The following PKIB variants were observed in gnomAD, a reference collection of about 807,000 sequenced individuals.
PKIB encodes the protein cAMP-dependent protein kinase inhibitor beta.
Under a neutral mutation model 4.5 loss-of-function variants are expected in PKIB, and 2 were observed. The observed-to-expected ratio is 0.44, with a 90% CI of 0.18 to 1.39. The LOEUF is 1.39. PKIB is among the 40% of genes most tolerant of loss of function. The pLI is 0.27. For synonymous variants in PKIB, 38 were observed against 36.0 expected (o/e 1.06, Z -0.20); for missense variants, 94 against 92.6 (o/e 1.02, Z -0.06).
intron 3 of PKIB, among the ~76,000 whole-genome samples, chr6:122,694,151 G>T (rs369600846): frequency 6.6e-6 from 1 of 152,124 alleles, no homozygotes; most frequent in African/African-American, 2.4e-5. Flanking sequence ...TCACCCCCAA[G>T]AGTATTACTG....
At chr6:122,532,435 G>A (rs541129639) in intron 2 of PKIB, among the ~76,000 whole-genome samples, 62 of 152,138 alleles carry the variant, frequency 4.1e-4, no homozygotes, top group African/African-American at 1.4e-3. Context: ...CAAGTCATTA[G>A]CATTAGGTGC....
intron 2 of PKIB, among the ~76,000 whole-genome samples, chr6:122,556,355 G>A (rs139367296): frequency 1.3e-5 from 2 of 152,258 alleles, no homozygotes; most frequent in African/African-American, 2.4e-5. Flanking sequence ...GCATGAGAAC[G>A]ACTAATACAC....
intron 3 of PKIB, among the ~76,000 whole-genome samples, chr6:122,703,060 T>C (rs1267798799): frequency 6.6e-6 from 1 of 152,182 alleles, no homozygotes; most frequent in African/African-American, 2.4e-5. Flanking sequence ...TACAGAAAGA[T>C]TCAATTGACT....
intron 3 of PKIB, among the ~76,000 whole-genome samples, chr6:122,693,365 T>A (rs7767580): frequency 6.6e-6 from 1 of 152,108 alleles, no homozygotes; most frequent in Non-Finnish European, 1.5e-5. Flanking sequence ...ATTTGCAAAT[T>A]ATGACAAGCT....
At chr6:122,594,843 C>T (rs1774126334) in intron 3 of PKIB, among the ~76,000 whole-genome samples, 1 of 152,136 alleles carries the variant, frequency 6.6e-6, no homozygotes. Context: ...CTCCTGTATT[C>T]CATGCGTACA....
In PKIB at chr6:122,484,428, G is replaced by C. The variant is rs559733490; in HGVS notation, c.-248+6489G>C. Among the ~76,000 whole-genome samples, 3 of 152,160 alleles carry C rather than the reference G, an allele frequency of 2.0e-5. No individual in the cohort carries two copies. The South Asian group carries it at 6.2e-4, about 32-fold the overall frequency. On this transcript the variant is annotated intron_variant, in intron 2 of 6. Transcript: ENST00000392491. ...CTGAGAATCATTTTCGTCAACTCTT[G>C]GAACAAGGACAATTGCAAGGAATAA...
intron 3 of PKIB, among the ~76,000 whole-genome samples, chr6:122,690,616 C>T (rs1188634841): frequency 6.6e-6 from 1 of 151,978 alleles, no homozygotes; most frequent in Non-Finnish European, 1.5e-5. Context: ...CTGTCTATGT[C>T]TTGAAAGGTT....
chr6:122,497,852 CCAA>C (rs1309473842), intron 2 of PKIB, among the ~76,000 whole-genome samples: 6 of 152,154 alleles, frequency 3.9e-5, no homozygotes, highest in Admixed American at 3.9e-4. Flanking sequence ...CAACACTTGA[CCAA>C]CTGGACACAA....
At chr6:122,518,290 C>G (rs1201536582) in intron 2 of PKIB, among the ~76,000 whole-genome samples, 2 of 152,064 alleles carry the variant, frequency 1.3e-5, no homozygotes, top group Non-Finnish European at 2.9e-5. Context: ...GATTACCAAC[C>G]CTGCTTTAAG....
rs575592170 is a variant in PKIB at position 122,692,622 on chromosome 6, C to T, written c.-9+17478C>T. 1.5e-4 allele frequency among the ~76,000 whole-genome samples: 22 copies of T among 147,358 alleles called. 1 individual carries two copies. The South Asian group carries it at 4.5e-3, about 30-fold the overall frequency. ...TGGCCCATGGCAGGTCCAGAAATGC[C>T]ATCCAAGAGCCAAGGCCTAGAATTG... On this transcript the variant is annotated intron_variant, in intron 3 of 4. Transcript: ENST00000368452.
chr6:122,702,326 C>CTTTTTTT (rs112095053), intron 3 of PKIB, among the ~76,000 whole-genome samples: 1 of 97,266 alleles, frequency 1.0e-5, no homozygotes, highest in Non-Finnish European at 2.0e-5. Context: ...TTTAAAAAAA[C>CTTTTTTT]TTTTTTTTTT....
intron 2 of PKIB, among the ~76,000 whole-genome samples, chr6:122,533,598 T>G (rs1486629720): frequency 1.3e-5 from 2 of 152,224 alleles, no homozygotes; most frequent in Non-Finnish European, 2.9e-5. Flanking sequence ...AGACTTCATG[T>G]ACTGTTTTAT....
intron 2 of PKIB, among the ~76,000 whole-genome samples, chr6:122,557,464 A>C (rs1772880712): frequency 6.6e-6 from 1 of 152,186 alleles, no homozygotes; most frequent in Admixed American, 6.5e-5. Flanking sequence ...CGTATTTCCC[A>C]GAATCTTTTT....
intron 2 of PKIB, among the ~76,000 whole-genome samples, chr6:122,548,897 T>C (rs1302419307): frequency 6.6e-6 from 1 of 152,184 alleles, no homozygotes. Flanking sequence ...TAAATAGTTA[T>C]AATCCAATGT....
At chr6:122,527,987 A>G (rs1427703104) in intron 2 of PKIB, among the ~76,000 whole-genome samples, 1 of 151,916 alleles carries the variant, frequency 6.6e-6, no homozygotes, top group African/African-American at 2.4e-5. Flanking sequence ...TCCTACTACT[A>G]TTTTGCTGTT....
intron 1 of PKIB, among the ~76,000 whole-genome samples, chr6:122,618,378 A>G (rs1775078761): frequency 6.6e-6 from 1 of 152,120 alleles, no homozygotes; most frequent in African/African-American, 2.4e-5. Context: ...TCATTACATA[A>G]TAATGAATTA....
intron 3 of PKIB, among the ~76,000 whole-genome samples, chr6:122,703,325 G>A (rs1778910792): frequency 6.6e-6 from 1 of 151,964 alleles, no homozygotes; most frequent in African/African-American, 2.4e-5. Context: ...ATGGGAAAAT[G>A]CTTATGTCGT....
chr6:122,584,045 A>T (rs1773782802), intron 2 of PKIB, among the ~76,000 whole-genome samples: 2 of 152,124 alleles, frequency 1.3e-5, no homozygotes, highest in Admixed American at 6.6e-5. Context: ...AGCTGAATTG[A>T]TTTAATTTTA....
At chr6:122,596,605 C>T (rs1396191840) in intron 3 of PKIB, among the ~76,000 whole-genome samples, 2 of 152,170 alleles carry the variant, frequency 1.3e-5, no homozygotes, top group Non-Finnish European at 2.9e-5. Flanking sequence ...TCAGTTTCTA[C>T]CAAAGCCCAG....
Sources: allele counts gnomAD v4.1 joint callset (sites outside exome capture counted in the v4.1 genomes callset), GRCh38; gene constraint gnomAD v4.1.1; transcripts MANE v1.5; gene names NCBI Gene and HGNC (gene_info 2026-07-23, HGNC 2026-07-21).